RAB3GAP1: variants seen among roughly 807,000 people sequenced by gnomAD.
RAB3GAP1 encodes RAB3 GTPase activating protein catalytic subunit 1.
RAB3GAP1 carries 86 observed loss-of-function variants against 130.7 expected under a neutral mutation model. The observed-to-expected ratio is 0.66, with a 90% CI of 0.55 to 0.79. RAB3GAP1 has a LOEUF of 0.79. RAB3GAP1 is among the 30% of genes least tolerant of loss of function. RAB3GAP1 has a pLI of 0.00. For missense variants in RAB3GAP1, 1,029 were observed against 1,169.4 expected, an observed-to-expected ratio of 0.88 and a Z score of 1.75; for synonymous variants, 367 against 401.7, an observed-to-expected ratio of 0.91 and a Z score of 1.03.
chr2:135,109,719 C>T (rs1428018222), intron 5 of RAB3GAP1, among the ~76,000 whole-genome samples: 2 of 151,898 alleles, frequency 1.3e-5, no homozygotes. Context: ...GTAGCTGGGA[C>T]TACAGGCGCC....
intron 3 of RAB3GAP1, among the ~76,000 whole-genome samples, chr2:135,081,163 CG>C (rs1314850593): frequency 6.7e-6 from 1 of 149,980 alleles, no homozygotes; most frequent in Non-Finnish European, 1.5e-5. Context: ...CTCCATTAGC[CG>C]GGCGTGGTGG....
chr2:135,066,782 AT>A (rs1689334408), intron 3 of RAB3GAP1, among the ~76,000 whole-genome samples: 1 of 152,132 alleles, frequency 6.6e-6, no homozygotes, highest in African/African-American at 2.4e-5. Context: ...TAGCCTTGTA[AT>A]TTTATGATTC....
At chr2:135,146,894 A>G (rs1340531530) in intron 17 of RAB3GAP1, among the ~76,000 whole-genome samples, 1 of 152,174 alleles carries the variant, frequency 6.6e-6, no homozygotes, top group Admixed American at 6.5e-5. Context: ...CATTCCAAAA[A>G]TAATGGGCAT....
chr2:135,124,210 G>T lies in RAB3GAP1; in HGVS notation c.794G>T (p.Gly265Val). 2 of 1,614,148 alleles carry T rather than the reference G, an allele frequency of 1.2e-6. No homozygotes were observed. Residue 265 changes from glycine (G) to valine (V), a missense_variant, in exon 9 of 24, where the codon GGC (glycine) becomes GTC (valine). Physicochemically the swap from Gly to Val is moderately radical, Grantham distance 109. Coordinates refer to ENST00000264158, the MANE Select transcript of RAB3GAP1 (RefSeq NM_012233.3). Reference protein sequence around the residue: ...VGGEVGGLEFGKLPFGACEDP... With the variant: ...VGGEVGGLEFVKLPFGACEDP... ...GGAGAAGTTGGAGGCTTGGAGTTTGGCAAGTTACCATTTGGTGCCTGCGAA... is the reference window on the plus strand; with the variant it reads ...GGAGAAGTTGGAGGCTTGGAGTTTGTCAAGTTACCATTTGGTGCCTGCGAA...
intron 17 of RAB3GAP1, among the ~76,000 whole-genome samples, chr2:135,140,695 G>T (rs1395648006): frequency 6.6e-6 from 1 of 152,220 alleles, no homozygotes; most frequent in African/African-American, 2.4e-5. Context: ...ATCAGTAGGG[G>T]CTGGTCAAGT....
intron 11 of RAB3GAP1, among the ~76,000 whole-genome samples, chr2:135,126,876 C>CT (rs1007754717): frequency 6.6e-6 from 1 of 151,932 alleles, no homozygotes; most frequent in Admixed American, 6.6e-5. Context: ...CTTTTATTTA[C>CT]TTTTTTTTAT....
At chr2:135,118,930 C>A (rs1183256466) in intron 7 of RAB3GAP1, among the ~76,000 whole-genome samples, 1 of 152,154 alleles carries the variant, frequency 6.6e-6, no homozygotes, top group Non-Finnish European at 1.5e-5. Context: ...AATGCCCTCA[C>A]ACTGGACTGA....
At chr2:135,054,706 C>G (rs1018132860) in intron 2 of RAB3GAP1, among the ~76,000 whole-genome samples, 38 of 152,130 alleles carry the variant, frequency 2.5e-4, no homozygotes, top group African/African-American at 7.7e-4. Context: ...GAAAAATGAT[C>G]ACTTTCCCCT....
At chr2:135,124,327 T>C (rs1691287101) in intron 9 of RAB3GAP1, 81 bp downstream of exon 9, 1 of 1,342,112 alleles carries the variant, frequency 7.5e-7, no homozygotes, top group Admixed American at 1.7e-5. Flanking sequence ...CTGTGCTTTA[T>C]GATGCTATAG....
intron 17 of RAB3GAP1, among the ~76,000 whole-genome samples, chr2:135,148,190 A>C (rs1156407183): frequency 6.6e-6 from 1 of 152,158 alleles, no homozygotes; most frequent in African/African-American, 2.4e-5. Context: ...TGATCATTAT[A>C]AGTGTACTTA....
chr2:135,164,210 AAAAC>A (rs1259951663), intron 22 of RAB3GAP1, among the ~76,000 whole-genome samples: 1 of 152,268 alleles, frequency 6.6e-6, no homozygotes, highest in African/African-American at 2.4e-5. Flanking sequence ...AAAAAAAACA[AAAAC>A]AAATATGGAT....
intron 6 of RAB3GAP1, 96 bp from the exon 7 acceptor site, chr2:135,115,120 A>T: frequency 8.0e-7 from 1 of 1,243,760 alleles, no homozygotes; most frequent in Non-Finnish European, 1.1e-6. Flanking sequence ...TAGTGCTTTC[A>T]AATTCTTGAG....
At chr2:135,090,914 AG>A in intron 3 of RAB3GAP1, 83 bp from the exon 4 acceptor site, 1 of 1,295,852 alleles carries the variant, frequency 7.7e-7, no homozygotes. Context: ...GGGCAGAAAA[AG>A]GGGAAAATAT....
chr2:135,137,829 T>G (rs544246213), intron 17 of RAB3GAP1, among the ~76,000 whole-genome samples: 12 of 151,780 alleles, frequency 7.9e-5, no homozygotes, highest in Admixed American at 7.9e-4. Flanking sequence ...GTTTTTTTTT[T>G]GTTGTTTTTT....
At chr2:135,137,937 C>T (rs1177505694) in intron 17 of RAB3GAP1, among the ~76,000 whole-genome samples, 1 of 151,708 alleles carries the variant, frequency 6.6e-6, no homozygotes, top group Admixed American at 6.6e-5. Flanking sequence ...GTGATCCTCC[C>T]ACCGCAGCTT....
intron 4 of RAB3GAP1, among the ~76,000 whole-genome samples, chr2:135,092,893 A>T (rs539368708): frequency 6.6e-6 from 1 of 152,334 alleles, no homozygotes; most frequent in South Asian, 2.1e-4. Context: ...GTTTAAAACT[A>T]TATTATCAGA....
At chr2:135,153,487 CT>C (rs1246457747) in intron 18 of RAB3GAP1, among the ~76,000 whole-genome samples, 161 bp from the exon 19 acceptor site, 1 of 152,092 alleles carries the variant, frequency 6.6e-6, no homozygotes, top group East Asian at 1.9e-4. Flanking sequence ...GCTTTTGATA[CT>C]TTAACATCTG....
chr2:135,070,910 C>G (rs913987589), intron 3 of RAB3GAP1, among the ~76,000 whole-genome samples: 2 of 152,118 alleles, frequency 1.3e-5, no homozygotes, highest in African/African-American at 4.8e-5. Context: ...GTCAGATACT[C>G]AAAGGAGCCC....
intron 12 of RAB3GAP1, among the ~76,000 whole-genome samples, 159 bp downstream of exon 12, chr2:135,130,246 A>T (rs1419628283): frequency 1.3e-5 from 2 of 152,174 alleles, no homozygotes; most frequent in Non-Finnish European, 2.9e-5. Context: ...GGCTGTACCC[A>T]GTGCTTGTTA....
Sources: allele counts gnomAD v4.1 joint callset (sites outside exome capture counted in the v4.1 genomes callset), GRCh38; gene constraint gnomAD v4.1.1; transcripts MANE v1.5; gene names NCBI Gene and HGNC (gene_info 2026-07-23, HGNC 2026-07-21).